Variants in TMEM130 observed in about 807,000 individuals in gnomAD.
TMEM130 encodes the protein transmembrane protein 130.
TMEM130 carries 37 observed loss-of-function variants against 42.9 expected under a neutral mutation model. The ratio of observed to expected loss-of-function variants is 0.86; its 90% CI spans 0.66 to 1.13. The LOEUF is 1.13. Among genes scored for constraint, TMEM130 ranks in the 50% most tolerant of loss-of-function variants. The pLI is 0.00. For synonymous variants in TMEM130, 259 were observed against 237.7 expected, an observed-to-expected ratio of 1.09 and a Z score of -0.82; for missense variants, 545 against 562.6, an observed-to-expected ratio of 0.97 and a Z score of 0.32.
At chr7:98,848,984 A>G (rs1425058435) in intron 6 of TMEM130, among the ~76,000 whole-genome samples, 1 of 152,180 alleles carries the variant, frequency 6.6e-6, no homozygotes, top group Non-Finnish European at 1.5e-5. Flanking sequence ...GGCTGGACTC[A>G]GCGACCAGCT....
At chr7:98,859,609 T>G (rs1191884658) in intron 3 of TMEM130, among the ~76,000 whole-genome samples, 3 of 152,044 alleles carry the variant, frequency 2.0e-5, no homozygotes, top group African/African-American at 7.2e-5. Context: ...GTGCAGTGGT[T>G]CACACCTGTA....
At position 98,851,538 on chromosome 7, in the gene TMEM130, TG is replaced by T; in HGVS notation, c.888del (p.Ser296ArgfsTer6). On this transcript the variant is annotated frameshift_variant, in exon 6 of 8. Transcript: ENST00000339375. LOFTEE classifies it high-confidence loss of function. ...AAGGTGTGGGTCAGGTTGTACGCTG[TG>T]CTGGCCACGGACACAGGGTGGCACT... is the stretch of plus-strand genomic sequence containing the variant. ...EGECHPVSVA[S>X]TAYNLTHTFR... The T allele has an allele frequency of 2.5e-6, 4 of 1,614,104 alleles. No homozygotes were observed. Among genetic ancestry groups the T allele is most frequent in the Non-Finnish European group, 3.4e-6 (4 of 1,180,028 alleles).
At chr7:98,850,273 A>ATTTTTTTTTTTTTTTT (rs1554398023) in intron 6 of TMEM130, among the ~76,000 whole-genome samples, 5 of 35,450 alleles carry the variant, frequency 1.4e-4, no homozygotes, top group Non-Finnish European at 2.5e-4. Context: ...ATATATATAT[A>ATTTTTTTTTTTTTTTT]TTTTTTTTTT....
intron 6 of TMEM130, among the ~76,000 whole-genome samples, chr7:98,850,562 A>G (rs1470603748): frequency 5.3e-5 from 8 of 151,812 alleles, no homozygotes; most frequent in Non-Finnish European, 1.0e-4. Flanking sequence ...TACAGGCACG[A>G]GCCACCGCAT....
Position 98,869,417 on chromosome 7 carries a change from G to A in TMEM130, c.85+360C>T, listed in dbSNP as rs1195082690. 5.0e-6 allele frequency: 6 copies of A among 1,207,166 alleles called. No individual in the cohort carries two copies. The highest frequency in any genetic ancestry group is 4.8e-5 in the African/African-American group (3 of 61,996). The allele number at this position is 1,207,166 out of a possible 1,614,324, so 74.8% of individuals were successfully genotyped here. On this transcript the variant is annotated intron_variant, in intron 1 of 7. Coordinates refer to ENST00000339375, the MANE Select transcript of TMEM130 (RefSeq NM_152913.3). This position sits in a 1 kb window ranked among gnomAD's most constrained non-coding sequence, Gnocchi z 4.7. ...GAATTGTGGCGCGATGACGGACCCT[G>A]GCGCATCCCCGCCTCCCTGCCTCGT... is the stretch of plus-strand genomic sequence containing the variant.
chr7:98,869,231 A>G lies in TMEM130; in HGVS notation c.85+546T>C. The stretch of plus-strand genomic sequence containing the variant: ...CCAGGAACCTGTCAGCTCCGGGTCC[A>G]TTTTGGAAATCACCACCAGAGAGGA... On this transcript the variant is annotated intron_variant, in intron 1 of 7. Transcript: ENST00000339375. This position sits in a 1 kb window ranked among gnomAD's most constrained non-coding sequence, Gnocchi z 4.7. The G allele has an allele frequency of 1.6e-6, 2 of 1,288,800 alleles. No individual in the cohort carries two copies. Among genetic ancestry groups the G allele is most frequent in the South Asian group, 1.2e-5 (1 of 80,978 alleles). 79.8% of individuals were successfully genotyped at this position (1,288,800 alleles called of 1,614,324 possible).
rs540550906 is a variant in TMEM130 at position 98,857,092 on chromosome 7, T to G, written c.552-909A>C. On this transcript the variant is annotated intron_variant, in intron 3 of 7. Transcript: ENST00000339375. ...ACGTGCCACCATCCCTGGCTAATTT[T>G]TGTATTCTTTGTAGAGACGAGGTAT... Among the ~76,000 whole-genome samples, 282 of 152,094 alleles carry G rather than the reference T, an allele frequency of 1.9e-3. 6 individuals are homozygous for G. Among genetic ancestry groups the G allele is most frequent in the Admixed American group, 0.018 (281 of 15,256 alleles).
Position 98,860,308 on chromosome 7 carries a change from T to G in TMEM130, c.422A>C (p.Gln141Pro), listed in dbSNP as rs1554399618. Residue 141 changes from glutamine to proline, a missense_variant, in exon 3 of 8, where the codon CAG (glutamine) becomes CCG (proline). Transcript: ENST00000339375. ...GCTGGGCCAGGGTAGGGAAGTGTTC[T>G]GGGTGACAACAAGGTCCCCCACGAG... ...EFLVGDLVVTQNTSLPWPSSY... is the reference protein window; with the variant it reads ...EFLVGDLVVTPNTSLPWPSSY... 1 of 1,605,278 alleles carries G rather than the reference T, an allele frequency of 6.2e-7. No individual in the cohort carries two copies. Among genetic ancestry groups the G allele is most frequent in the East Asian group, 2.3e-5 (1 of 44,420 alleles).
chr7:98,847,899 G>T lies in TMEM130; in HGVS notation c.*157C>A. On this transcript the variant is annotated 3_prime_UTR_variant, in exon 8 of 8. Coordinates refer to ENST00000339375, the MANE Select transcript of TMEM130 (RefSeq NM_152913.3). ...GGGTCAGGGGTGACAGAGAGGGAGGGGCTTGTGGCAGTGGCTGAACTGTAC... is the reference window on the plus strand; with the variant it reads ...GGGTCAGGGGTGACAGAGAGGGAGGTGCTTGTGGCAGTGGCTGAACTGTAC... 3.0e-6 allele frequency: 2 copies of T among 663,750 alleles called. No individual in the cohort carries two copies. Among genetic ancestry groups the T allele is most frequent in the Admixed American group, 6.0e-5 (2 of 33,576 alleles). 41.1% of individuals were successfully genotyped at this position (663,750 alleles called of 1,614,324 possible).
At chr7:98,859,509 C>T (rs1268175798) in intron 3 of TMEM130, among the ~76,000 whole-genome samples, 1 of 152,154 alleles carries the variant, frequency 6.6e-6, no homozygotes, top group East Asian at 1.9e-4. Flanking sequence ...CAGTGTTCTC[C>T]GGGACCCCCA....
rs979445695 is a variant in TMEM130, at chr7:98,855,361, T to G, written c.719-37A>C. On this transcript the variant is annotated intron_variant, in intron 4 of 7. Coordinates refer to ENST00000339375, the MANE Select transcript of TMEM130 (RefSeq NM_152913.3). ...AGAGAACCCCGTTAGACCTGGTGGC[T>G]AAGGATTGCTGTCGAGGCTCCCAGG... 4 of 1,583,012 alleles carry G rather than the reference T, an allele frequency of 2.5e-6. No individual in the cohort carries two copies. In the African/African-American group the frequency reaches 5.4e-5, roughly 21 times the overall value.
At chr7:98,864,374 T>C (rs1384564386) in intron 1 of TMEM130, among the ~76,000 whole-genome samples, 1 of 150,264 alleles carries the variant, frequency 6.7e-6, no homozygotes, top group Non-Finnish European at 1.5e-5. Flanking sequence ...GCTTGGCTGA[T>C]TTTTTTCTTT....
At chr7:98,855,483 C>T (rs1348297102) in intron 4 of TMEM130, among the ~76,000 whole-genome samples, 159 bp from the exon 5 acceptor site, 1 of 152,218 alleles carries the variant, frequency 6.6e-6, no homozygotes, top group Non-Finnish European at 1.5e-5. Context: ...TCCTGCCCTC[C>T]CCTGTCAGTG....
chr7:98,854,545 C>A (rs1418468003), intron 5 of TMEM130, among the ~76,000 whole-genome samples: 3 of 152,154 alleles, frequency 2.0e-5, no homozygotes, highest in African/African-American at 7.2e-5. Flanking sequence ...CTGAGACTAG[C>A]TTGAGCAACA....
At chr7:98,850,264 TA>T (rs1562904729) in intron 6 of TMEM130, among the ~76,000 whole-genome samples, 102 of 51,242 alleles carry the variant, frequency 2.0e-3, no homozygotes, top group African/African-American at 5.9e-3. Context: ...TATATATATA[TA>T]TATATATATT....
intron 5 of TMEM130, among the ~76,000 whole-genome samples, chr7:98,852,409 C>T (rs1375121933): frequency 2.6e-5 from 4 of 152,082 alleles, no homozygotes; most frequent in Non-Finnish European, 4.4e-5. Context: ...GTATTACAGG[C>T]GTGAGCCACT....
At position 98,856,002 on chromosome 7, in the gene TMEM130, T is replaced by C. The variant is rs782605136; in HGVS notation, c.718+15A>G. 1.2e-6 allele frequency: 2 copies of C among 1,610,936 alleles called. No individual in the cohort carries two copies. The highest frequency in any genetic ancestry group is 2.7e-5 in the African/African-American group (2 of 75,044). ...CTGGAACGCCCAGACTGCATCAGCC[T>C]GCCTGGACACCCACCCTGCAGCTTC... On this transcript the variant is annotated intron_variant, in intron 4 of 7. Coordinates refer to ENST00000339375, the MANE Select transcript of TMEM130 (RefSeq NM_152913.3).
At position 98,849,729 on chromosome 7, in the gene TMEM130, C is replaced by T. The variant is rs571829363; in HGVS notation, c.1007-1034G>A. Among the ~76,000 whole-genome samples, 685 of 152,222 alleles carry T rather than the reference C, an allele frequency of 4.5e-3. 2 individuals carry two copies. Among genetic ancestry groups the T allele is most frequent in the Non-Finnish European group, 8.0e-3 (544 of 68,002 alleles). ...CACTGGGAAGAACTAACTCCTACCC[C>T]AGGACCAGGAATCTGAAACCCTGGC... On this transcript the variant is annotated intron_variant, in intron 6 of 7. Transcript: ENST00000339375.
At chr7:98,855,098 A>C (rs935462003) in intron 5 of TMEM130, 142 bp downstream of exon 5, 34 of 535,998 alleles carry the variant, frequency 6.3e-5, no homozygotes, top group African/African-American at 6.2e-4. Flanking sequence ...CCCATGGCCC[A>C]GCCTCAAGAC....
Sources: allele counts gnomAD v4.1 joint callset (sites outside exome capture counted in the v4.1 genomes callset), GRCh38; gene constraint gnomAD v4.1.1; non-coding constraint Gnocchi (gnomAD v3.1); transcripts MANE v1.5; gene names NCBI Gene and HGNC (gene_info 2026-07-23, HGNC 2026-07-21).